Variants in PFKM observed in about 807,000 individuals in gnomAD.
The protein encoded by PFKM is phosphofructokinase, muscle, also known as ATP-dependent 6-phosphofructokinase, muscle type.
In PFKM, 58 loss-of-function variants were observed where a neutral mutation model predicts 95.5. The observed-to-expected ratio is 0.61, with a 90% confidence interval of 0.49 to 0.76. The LOEUF (loss-of-function observed/expected upper bound fraction) is 0.76. PFKM is among the 30% of genes least tolerant of loss of function. The pLI, the probability that PFKM is intolerant of heterozygous loss-of-function variation, is 0.00. For missense variants in PFKM, 678 were observed against 1,005.4 expected, an observed-to-expected ratio of 0.67 and a Z score of 4.40; for synonymous variants, 336 against 357.2, an observed-to-expected ratio of 0.94 and a Z score of 0.67.
Position 48,145,482 on chromosome 12 carries a change from C to T in PFKM, c.2199-82C>T, listed in dbSNP as rs1053385179. The T allele has an allele frequency of 2.6e-6, 4 of 1,542,438 alleles. No homozygotes were observed. The highest frequency in any genetic ancestry group is 3.6e-6 in the Non-Finnish European group (4 of 1,117,434). ...ATGTCCTAAATCTAACCTCTTCTGTCTAACTTCTTCCTATAAACCTTTGGT... is the reference window on the plus strand; with the variant it reads ...ATGTCCTAAATCTAACCTCTTCTGTTTAACTTCTTCCTATAAACCTTTGGT... On this transcript the variant is annotated intron_variant, in intron 22 of 22. Coordinates refer to ENST00000359794, the MANE Select transcript of PFKM (RefSeq NM_000289.6). The surrounding 1 kb of genome is among the most constrained non-coding windows in gnomAD (Gnocchi z 4.3).
intron 10 of PFKM, 193 bp from the exon 11 acceptor site, chr12:48,137,528 A>G (rs148044544): frequency 6.3e-6 from 4 of 637,364 alleles, no homozygotes; most frequent in African/African-American, 1.8e-5. Flanking sequence ...TTCCGATGGC[A>G]AGAATACAGA....
At chr12:48,105,723 G>T (rs951864737), upstream of PFKM, 7 of 507,706 alleles carry the variant, frequency 1.4e-5, no homozygotes, top group Non-Finnish European at 2.1e-5. Context: ...CCCAAGTACG[G>T]CTGGGCGCTG....
chr12:48,142,751 T>A lies in PFKM; in HGVS notation c.1654-31T>A, dbSNP rs1411839409. 2.5e-6 allele frequency: 4 copies of A among 1,604,494 alleles called. No individual in the cohort carries two copies. In the East Asian group the frequency reaches 8.9e-5, roughly 36 times the overall value. ...GATAAGAATCAGGCCCCTGATCATGTCTTTCTAACTATAACCCATTGTCCT... is the reference window on the plus strand; with the variant it reads ...GATAAGAATCAGGCCCCTGATCATGACTTTCTAACTATAACCCATTGTCCT... On this transcript the variant is annotated intron_variant, in intron 17 of 22. Transcript: ENST00000359794.
chr12:48,126,797 A>T (rs1433540565), intron 2 of PFKM, among the ~76,000 whole-genome samples: 1 of 152,222 alleles, frequency 6.6e-6, no homozygotes, highest in Non-Finnish European at 1.5e-5. Context: ...CTTGTGAAAG[A>T]CTGGAAAACA....
intron 3 of PFKM, chr12:48,108,267 A>G: frequency 1.4e-6 from 2 of 1,453,386 alleles, no homozygotes; most frequent in South Asian, 1.3e-5. Flanking sequence ...GCATAGTATT[A>G]TAAATCAGCG....
chr12:48,140,740 G>T lies in PFKM; in HGVS notation c.1210G>T (p.Ala404Ser), dbSNP rs768664601. Residue 404 changes from alanine (A) to serine (S), a missense_variant, in exon 14 of 23, where the codon GCT becomes TCT. Physicochemically the swap from Ala to Ser is moderately conservative, Grantham distance 99. Coordinates refer to ENST00000359794, the MANE Select transcript of PFKM (RefSeq NM_000289.6). ...TGTATAGAGTGGTTCGCACACAGTG[G>T]CTGTGATGAACGTGGGGGCTCCGGC... Reference protein sequence around the residue: ...PVSKSGSHTVAVMNVGAPAAG... With the variant: ...PVSKSGSHTVSVMNVGAPAAG... 3.4e-5 allele frequency: 55 copies of T among 1,614,092 alleles called. No individual in the cohort carries two copies. The highest frequency in any genetic ancestry group is 4.4e-5 in the Non-Finnish European group (52 of 1,180,042).
Position 48,144,124 on chromosome 12 carries a change from C to T in PFKM, c.1959C>T (p.Asp653=). Reference sequence around the variant, plus strand: ...CTGAGGAGGGGAAGGGCATCTTCGACAGCAGGAAGAATGTGCTTGGTCACA... The same window carrying T: ...CTGAGGAGGGGAAGGGCATCTTCGATAGCAGGAAGAATGTGCTTGGTCACA... ...LYSEEGKGIF[D]SRKNVLGHMQ... The change falls in exon 20 of 23, where the codon GAC becomes GAT. Residue 653 remains aspartate (D), a synonymous_variant. Coordinates refer to ENST00000359794, the MANE Select transcript of PFKM (RefSeq NM_000289.6). The T allele has an allele frequency of 1.2e-6, 2 of 1,613,258 alleles. No individual in the cohort carries two copies. The highest frequency in any genetic ancestry group is 1.7e-6 in the Non-Finnish European group (2 of 1,179,234).
Position 48,106,138 on chromosome 12 carries a change from G to C in PFKM, c.-10+1G>C. On this transcript the variant is annotated splice_donor_variant, in intron 1 of 24. Coordinates refer to the PFKM transcript ENST00000340802. LOFTEE classifies it low-confidence loss of function (5UTR_SPLICE). ...TTCACAGCACCGGAAGAGTCGCTAG[G>C]TGGCTGAAGAGGAGGGGGCTGGGGC... 1 of 702,572 alleles carries C rather than the reference G, an allele frequency of 1.4e-6. No homozygotes were observed. 43.5% of individuals were successfully genotyped at this position (702,572 alleles called of 1,614,324 possible).
At chr12:48,142,984 C>G in intron 18 of PFKM, 38 bp downstream of exon 18, 1 of 1,590,250 alleles carries the variant, frequency 6.3e-7, no homozygotes, top group African/African-American at 1.3e-5. Context: ...TAGCTCTCCC[C>G]TGTCTCCAGA....
At chr12:48,135,520 T>C (rs1288735276) in intron 10 of PFKM, 137 bp downstream of exon 10, 2 of 647,094 alleles carry the variant, frequency 3.1e-6, no homozygotes, top group Non-Finnish European at 5.5e-6. Context: ...TGGGCTGCAG[T>C]GGCCACTGAC....
intron 2 of PFKM, among the ~76,000 whole-genome samples, chr12:48,129,293 T>TCAAGCAGTCTTCCCA (rs1433483364): frequency 8.1e-6 from 1 of 123,290 alleles, no homozygotes; most frequent in Non-Finnish European, 1.6e-5. Flanking sequence ...ACTCCTAGGC[T>TCAAGCAGTCTTCCCA]CAAGCAGTCT....
intron 9 of PFKM, 77 bp downstream of exon 9, chr12:48,135,115 C>A: frequency 8.2e-7 from 1 of 1,220,318 alleles, no homozygotes; most frequent in Non-Finnish European, 1.2e-6. Context: ...CCTGACATTG[C>A]TTCTCCCCTT....
chr12:48,127,458 T>C (rs927010370), intron 2 of PFKM, among the ~76,000 whole-genome samples: 1 of 152,196 alleles, frequency 6.6e-6, no homozygotes, highest in Non-Finnish European at 1.5e-5. Flanking sequence ...TGGACCACGC[T>C]TTTACCCTTT....
At chr12:48,139,222 G>A (rs1342602334) in intron 11 of PFKM, 63 bp from the exon 12 acceptor site, 2 of 1,273,252 alleles carry the variant, frequency 1.6e-6, no homozygotes, top group Non-Finnish European at 2.3e-6. Context: ...ACTGTGGGAT[G>A]GAGTTCCAGC....
At chr12:48,117,073 C>T (rs1947741916), upstream of PFKM, among the ~76,000 whole-genome samples, 1 of 152,158 alleles carries the variant, frequency 6.6e-6, no homozygotes, top group Non-Finnish European at 1.5e-5. Flanking sequence ...TTTATTGTCT[C>T]CGTAGTTTTA....
At chr12:48,107,327 C>T (rs1946761230) in intron 1 of PFKM, 2 of 1,310,462 alleles carry the variant, frequency 1.5e-6, no homozygotes, top group South Asian at 1.2e-5. Context: ...TATTTCACAG[C>T]TCTGTTCGTT....
At chr12:48,135,166 TGC>T in intron 9 of PFKM, 123 bp from the exon 10 acceptor site, 2 of 1,106,712 alleles carry the variant, frequency 1.8e-6, no homozygotes, top group Non-Finnish European at 2.8e-6. Flanking sequence ...TGCCCCTGAT[TGC>T]CTCCCACAAA....
chr12:48,110,252 A>T (rs1565837614), intron 3 of PFKM, among the ~76,000 whole-genome samples: 1 of 152,288 alleles, frequency 6.6e-6, no homozygotes, highest in East Asian at 1.9e-4. Flanking sequence ...ATGTGACTTG[A>T]TGATGGGAGG....
upstream of PFKM, among the ~76,000 whole-genome samples, chr12:48,114,862 G>A (rs904979701): frequency 3.9e-5 from 6 of 152,168 alleles, no homozygotes; most frequent in Non-Finnish European, 5.9e-5. Flanking sequence ...TTGGTGCAAA[G>A]CGGTGTTGCA....
Sources: gnomAD v4.1 joint callset for allele counts (sites outside exome capture counted in the v4.1 genomes callset) on GRCh38, gnomAD v4.1.1 for gene constraint, Gnocchi (gnomAD v3.1) non-coding constraint, MANE v1.5 for transcripts, NCBI Gene and HGNC (gene_info 2026-07-23, HGNC 2026-07-21) for gene names.